Variants in SOX6 observed in about 807,000 individuals in gnomAD.
The protein encoded by SOX6 is SRY-box transcription factor 6, also known as transcription factor SOX-6.
In SOX6, 11 loss-of-function variants were observed where a neutral mutation model predicts 97.8. That is an observed-to-expected ratio of 0.11 (90% CI 0.07 to 0.19). The LOEUF (loss-of-function observed/expected upper bound fraction) is 0.19, where lower values mean the gene tolerates loss of function less well. Among genes scored for constraint, SOX6 ranks in the 10% least tolerant of loss-of-function variants. SOX6 has a pLI of 1.00. For missense variants in SOX6, 810 were observed against 1,039.5 expected (o/e 0.78, Z 3.04); for synonymous variants, 360 against 371.4 (o/e 0.97, Z 0.35).
At chr11:16,238,471 A>G (rs1853091085) in intron 3 of SOX6, among the ~76,000 whole-genome samples, 1 of 152,116 alleles carries the variant, frequency 6.6e-6, no homozygotes, top group East Asian at 1.9e-4. Context: ...CTTAGTAATT[A>G]ATTTTATGAT....
chr11:16,324,535 G>T (rs1856016971), intron 2 of SOX6, among the ~76,000 whole-genome samples: 1 of 152,046 alleles, frequency 6.6e-6, no homozygotes, highest in Admixed American at 6.6e-5. Context: ...ATAATGTATT[G>T]TTAGTTCAAA....
intron 4 of SOX6, among the ~76,000 whole-genome samples, chr11:16,509,196 T>C (rs1315209257): frequency 6.6e-6 from 1 of 151,866 alleles, no homozygotes; most frequent in Non-Finnish European, 1.5e-5. Flanking sequence ...TGAATTTATA[T>C]ATTTATACCA....
intron 1 of SOX6, among the ~76,000 whole-genome samples, chr11:16,345,822 G>A (rs908601294): frequency 6.6e-6 from 1 of 151,782 alleles, no homozygotes; most frequent in African/African-American, 2.4e-5. Context: ...TTCTCATAAG[G>A]CATAATCACT....
chr11:16,413,480 T>C (rs1052364455), intron 1 of SOX6, among the ~76,000 whole-genome samples: 13 of 151,684 alleles, frequency 8.6e-5, no homozygotes, highest in Admixed American at 1.3e-4. Flanking sequence ...ACTTAATTCA[T>C]TTAGTTTAAT....
intron 3 of SOX6, among the ~76,000 whole-genome samples, chr11:16,634,852 G>T (rs1302575685): frequency 6.6e-6 from 1 of 152,190 alleles, no homozygotes; most frequent in African/African-American, 2.4e-5. Flanking sequence ...CACGGGGGCA[G>T]TTACCTCCAT....
chr11:16,219,531 A>G (rs934144858), intron 4 of SOX6, among the ~76,000 whole-genome samples: 1 of 152,062 alleles, frequency 6.6e-6, no homozygotes, highest in African/African-American at 2.4e-5. Context: ...AGTAAACGGA[A>G]TAATTGCTCA....
At chr11:16,541,563 C>A (rs1332257751) in intron 4 of SOX6, among the ~76,000 whole-genome samples, 1 of 152,022 alleles carries the variant, frequency 6.6e-6, no homozygotes, top group Non-Finnish European at 1.5e-5. Flanking sequence ...TTGCAATCTA[C>A]CCATCTGACA....
intron 1 of SOX6, among the ~76,000 whole-genome samples, chr11:16,456,098 G>A (rs1859805611): frequency 6.6e-6 from 1 of 152,014 alleles, no homozygotes; most frequent in South Asian, 2.1e-4. Context: ...ATAACACATA[G>A]TCCAGGGGGC....
At chr11:16,263,551 A>G (rs1048078064) in intron 3 of SOX6, among the ~76,000 whole-genome samples, 2 of 151,948 alleles carry the variant, frequency 1.3e-5, no homozygotes, top group African/African-American at 4.8e-5. Context: ...GAGAGTTTAT[A>G]TATTTGTTTT....
intron 1 of SOX6, among the ~76,000 whole-genome samples, chr11:16,405,065 T>C (rs550932955): frequency 6.6e-6 from 1 of 151,978 alleles, no homozygotes; most frequent in Non-Finnish European, 1.5e-5. Context: ...TTTAGAGTAA[T>C]GGCTTAAACA....
intron 1 of SOX6, among the ~76,000 whole-genome samples, chr11:16,473,839 A>C (rs1168236582): frequency 2.6e-5 from 4 of 151,846 alleles, no homozygotes; most frequent in East Asian, 1.9e-4. Context: ...TGCCTCATTG[A>C]CTCTTTCTTT....
rs186660402 is a variant in SOX6 at position 16,170,305 on chromosome 11, C to T, written c.777+13581G>A. ...ATCTGCTGTGCTTAATACATGAGAG[C>T]TCTAACCACTTTTCAAAGTGTTTTC... On this transcript the variant is annotated intron_variant, in intron 6 of 15. Transcript: ENST00000683767. Among the ~76,000 whole-genome samples the T allele has an allele frequency of 1.1e-3, 162 of 151,922 alleles. No homozygotes were observed. The Middle Eastern group carries it at 0.017, about 16-fold the overall frequency.
intron 1 of SOX6, among the ~76,000 whole-genome samples, chr11:16,429,607 G>C (rs966834114): frequency 2.6e-5 from 4 of 152,010 alleles, no homozygotes; most frequent in Admixed American, 6.6e-5. Context: ...GTTATCACTT[G>C]TAAGTGGGAG....
chr11:15,984,714 CT>C (rs1853775627), intron 15 of SOX6, among the ~76,000 whole-genome samples: 1 of 152,214 alleles, frequency 6.6e-6, no homozygotes, highest in East Asian at 1.9e-4. Context: ...ATACTGGGAT[CT>C]TTTATAATAA....
At chr11:16,323,731 T>G (rs1333811582) in intron 2 of SOX6, among the ~76,000 whole-genome samples, 1 of 152,116 alleles carries the variant, frequency 6.6e-6, no homozygotes, top group African/African-American at 2.4e-5. Flanking sequence ...GAATAAAATA[T>G]TCATTACTAT....
chr11:16,633,728 G>T (rs1313321859), intron 3 of SOX6, among the ~76,000 whole-genome samples: 1 of 152,196 alleles, frequency 6.6e-6, no homozygotes, highest in Admixed American at 6.5e-5. Flanking sequence ...ATAGGAGACT[G>T]TCAGGGAACA....
At chr11:16,373,190 C>CT (rs1857538730) in intron 1 of SOX6, among the ~76,000 whole-genome samples, 1 of 152,060 alleles carries the variant, frequency 6.6e-6, no homozygotes, top group African/African-American at 2.4e-5. Flanking sequence ...ACTATCTCAA[C>CT]TTTTTGTTTC....
chr11:16,328,256 A>G (rs1258494540), intron 2 of SOX6, among the ~76,000 whole-genome samples: 2 of 152,160 alleles, frequency 1.3e-5, no homozygotes, highest in African/African-American at 2.4e-5. Flanking sequence ...ATGGTTCACT[A>G]TGGTATATAT....
intron 1 of SOX6, among the ~76,000 whole-genome samples, chr11:16,372,052 T>C (rs1325473386): frequency 6.6e-6 from 1 of 152,130 alleles, no homozygotes; most frequent in African/African-American, 2.4e-5. Flanking sequence ...TATACTGCCT[T>C]AATTTGTTTA....
Sources: allele counts gnomAD v4.1 joint callset (sites outside exome capture counted in the v4.1 genomes callset), GRCh38; gene constraint gnomAD v4.1.1; transcripts MANE v1.5; gene names NCBI Gene and HGNC (gene_info 2026-07-23, HGNC 2026-07-21).